The following DOCK4 variants were observed in gnomAD, a reference collection of about 807,000 sequenced individuals.
DOCK4 encodes the protein dedicator of cytokinesis 4, also known as dedicator of cytokinesis protein 4.
A neutral mutation model predicts 268.1 loss-of-function variants in DOCK4; 97 were observed. The observed-to-expected ratio is 0.36, with a 90% CI of 0.31 to 0.43. The LOEUF is 0.43. DOCK4 is among the 20% of genes least tolerant of loss of function. The pLI is 1.00. For missense variants in DOCK4, 2,145 were observed against 2,455.7 expected (o/e 0.87, Z 2.67); for synonymous variants, 954 against 887.2 (o/e 1.08, Z -1.34).
At chr7:112,135,340 C>G (rs2116189436) in intron 1 of DOCK4, among the ~76,000 whole-genome samples, 1 of 152,174 alleles carries the variant, frequency 6.6e-6, no homozygotes, top group South Asian at 2.1e-4. Context: ...TTTGTCAAAA[C>G]TAAGCATCTA....
intron 27 of DOCK4, chr7:111,819,869 T>C (rs1446752579): frequency 6.6e-6 from 1 of 152,170 alleles, no homozygotes; most frequent in African/African-American, 2.4e-5. Context: ...AAAATGTTTG[T>C]CTAAGAAAGT....
intron 1 of DOCK4, among the ~76,000 whole-genome samples, chr7:112,069,111 G>A (rs1172454753): frequency 6.6e-6 from 1 of 152,138 alleles, no homozygotes; most frequent in Non-Finnish European, 1.5e-5. Flanking sequence ...GTGCCCAAAT[G>A]ATTATCTGTT....
intron 46 of DOCK4, 111 bp from the exon 47 acceptor site, chr7:111,741,325 T>G: frequency 1.4e-6 from 2 of 1,474,080 alleles, no homozygotes; most frequent in Non-Finnish European, 1.8e-6. Flanking sequence ...TTTTGTTTTC[T>G]CCTGTTTGCC....
At chr7:112,096,952 T>C (rs1471919616) in intron 1 of DOCK4, among the ~76,000 whole-genome samples, 1 of 152,194 alleles carries the variant, frequency 6.6e-6, no homozygotes, top group Non-Finnish European at 1.5e-5. Context: ...GCAGAACTTC[T>C]GTCTCTAGAA....
Position 111,788,644 on chromosome 7 carries a change from G to C in DOCK4, c.3401+18C>G, listed in dbSNP as rs144178244. ...ATCCCCCAGAATGGAATCAACTTGA[G>C]ATAAACATATTACTCACATACTGTT... On this transcript the variant is annotated intron_variant, in intron 32 of 52. Coordinates refer to ENST00000428084, the MANE Select transcript of DOCK4 (RefSeq NM_001363540.2). The C allele has an allele frequency of 6.4e-7, 1 of 1,562,066 alleles. No homozygotes were observed. Among genetic ancestry groups the C allele is most frequent in the Non-Finnish European group, 8.7e-7 (1 of 1,149,878 alleles).
intron 36 of DOCK4, among the ~76,000 whole-genome samples, chr7:111,774,641 C>G (rs1471289319): frequency 6.6e-6 from 1 of 152,048 alleles, no homozygotes; most frequent in Non-Finnish European, 1.5e-5. Context: ...GGAGCTGATC[C>G]TGAAGGATGA....
At chr7:111,761,180 C>T (rs1458784446) in intron 39 of DOCK4, among the ~76,000 whole-genome samples, 1 of 152,006 alleles carries the variant, frequency 6.6e-6, no homozygotes, top group Non-Finnish European at 1.5e-5. Context: ...CTGCTTCAGC[C>T]TCCCAAGTAG....
chr7:111,933,291 TATATATA>T (rs1357371948), intron 12 of DOCK4, among the ~76,000 whole-genome samples: 24 of 118,772 alleles, frequency 2.0e-4, no homozygotes, highest in African/African-American at 3.7e-4. Flanking sequence ...TATATATATA[TATATATA>T]TTTTTTTTTT....
At chr7:111,895,493 G>A in intron 16 of DOCK4, 119 bp downstream of exon 16, 1 of 865,830 alleles carries the variant, frequency 1.2e-6, no homozygotes, top group Admixed American at 2.0e-5. Flanking sequence ...CTCCCTGACA[G>A]CAATCTTACA....
intron 25 of DOCK4, among the ~76,000 whole-genome samples, chr7:111,838,850 G>A (rs909588207): frequency 1.3e-5 from 2 of 152,016 alleles, no homozygotes; most frequent in Non-Finnish European, 2.9e-5. Context: ...TTTCAAACAG[G>A]TGTCATTTAT....
chr7:112,067,827 G>C (rs1217345278), intron 1 of DOCK4, among the ~76,000 whole-genome samples: 2 of 152,196 alleles, frequency 1.3e-5, no homozygotes, highest in Non-Finnish European at 2.9e-5. Context: ...TACTGCCATG[G>C]AAAACTACAG....
chr7:111,905,871 A>G (rs1275683308), intron 13 of DOCK4, among the ~76,000 whole-genome samples: 2 of 152,188 alleles, frequency 1.3e-5, no homozygotes, highest in Non-Finnish European at 1.5e-5. Flanking sequence ...TGATGATGGC[A>G]GTAGTAACAG....
At chr7:111,890,973 T>G (rs1037766093) in intron 16 of DOCK4, among the ~76,000 whole-genome samples, 2 of 152,178 alleles carry the variant, frequency 1.3e-5, no homozygotes, top group African/African-American at 2.4e-5. Context: ...CATCAACCTT[T>G]GACATCATGG....
intron 7 of DOCK4, among the ~76,000 whole-genome samples, chr7:111,983,324 T>A (rs996176758): frequency 5.3e-5 from 8 of 152,088 alleles, no homozygotes; most frequent in Non-Finnish European, 1.0e-4. Context: ...CTCAGAAAAA[T>A]AAGCTTGAAA....
chr7:111,737,038 G>A, intron 49 of DOCK4, 49 bp from the exon 50 acceptor site: 1 of 1,515,584 alleles, frequency 6.6e-7, no homozygotes, highest in African/African-American at 1.4e-5. Context: ...ACGGGCATGT[G>A]AAACCTTTCA....
At chr7:111,997,390 C>T (rs1379759510) in intron 4 of DOCK4, among the ~76,000 whole-genome samples, 1 of 152,176 alleles carries the variant, frequency 6.6e-6, no homozygotes, top group African/African-American at 2.4e-5. Context: ...ATGCTTAAAG[C>T]AGCTCACATA....
chr7:112,108,350 G>C (rs1394652568), intron 1 of DOCK4, among the ~76,000 whole-genome samples: 1 of 152,108 alleles, frequency 6.6e-6, no homozygotes, highest in African/African-American at 2.4e-5. Context: ...TCTAGGAACT[G>C]AATAAAAAGT....
rs529621580 is a variant in DOCK4, at chr7:112,195,993, T to C, written c.37+10109A>G. ...CCAAAAGCCTCCCATGTAAATGTCA[T>C]GCTCTCCCCTCTTCCTCACTCTCCC... On this transcript the variant is annotated intron_variant, in intron 1 of 52. Coordinates refer to ENST00000428084, the MANE Select transcript of DOCK4 (RefSeq NM_001363540.2). Among the ~76,000 whole-genome samples, 40 of 152,254 alleles carry C rather than the reference T, an allele frequency of 2.6e-4. 1 individual carries two copies. The South Asian group carries it at 7.5e-3, about 28-fold the overall frequency.
chr7:111,742,268 C>T (rs3757648), intron 44 of DOCK4, 136 bp from the exon 45 acceptor site: 851,722 of 884,358 alleles, frequency 0.96, 410,314 homozygotes, highest in Middle Eastern at 0.98. Flanking sequence ...GTAGGAACAG[C>T]TGTCACTTTA....
Sources: allele counts gnomAD v4.1 joint callset (sites outside exome capture counted in the v4.1 genomes callset), GRCh38; gene constraint gnomAD v4.1.1; transcripts MANE v1.5; gene names NCBI Gene and HGNC (gene_info 2026-07-23, HGNC 2026-07-21).